Variants in CSMD1 observed in about 807,000 individuals in gnomAD.
The protein encoded by CSMD1 is CUB and sushi domain-containing protein 1.
In CSMD1, 213 loss-of-function variants were observed where a neutral mutation model predicts 417.5. The observed-to-expected ratio is 0.51, with a 90% CI of 0.46 to 0.57. CSMD1 has a LOEUF of 0.57. Among genes scored for constraint, CSMD1 ranks in the 20% least tolerant of loss-of-function variants. CSMD1 has a pLI of 0.00. For missense variants in CSMD1, 6,923 were observed against 4,529.7 expected, an observed-to-expected ratio of 1.53 and a Z score of -15.17; for synonymous variants, 2,862 against 1,736.8, an observed-to-expected ratio of 1.65 and a Z score of -16.11.
At chr8:3,194,419 T>TATTTG (rs1585618377) in intron 33 of CSMD1, among the ~76,000 whole-genome samples, 1 of 74,858 alleles carries the variant, frequency 1.3e-5, no homozygotes, top group East Asian at 2.7e-4. Flanking sequence ...TATTTTATTT[T>TATTTG]ATTTTATTTT....
intron 3 of CSMD1, among the ~76,000 whole-genome samples, chr8:4,387,170 A>G (rs933309930): frequency 2.5e-4 from 38 of 152,202 alleles, no homozygotes; most frequent in African/African-American, 9.2e-4. Flanking sequence ...AGTTAACACA[A>G]TGCCATCTTG....
intron 12 of CSMD1, among the ~76,000 whole-genome samples, chr8:3,455,419 T>C (rs541362255): frequency 1.3e-5 from 2 of 152,376 alleles, no homozygotes; most frequent in East Asian, 3.9e-4. Context: ...TTTTCTGCTC[T>C]GTTTTTTCCC....
chr8:4,421,129 T>C (rs576250804), intron 2 of CSMD1, among the ~76,000 whole-genome samples: 7 of 148,188 alleles, frequency 4.7e-5, no homozygotes, highest in Admixed American at 1.3e-4. Flanking sequence ...AGTAAATGAC[T>C]GATGAATGGA....
chr8:4,816,062 C>T (rs1282221899), intron 1 of CSMD1, among the ~76,000 whole-genome samples: 1 of 152,124 alleles, frequency 6.6e-6, no homozygotes, highest in Non-Finnish European at 1.5e-5. Flanking sequence ...ATAAACACAG[C>T]AGGACTGGGT....
chr8:3,554,622 C>T (rs1041722989), intron 10 of CSMD1, among the ~76,000 whole-genome samples: 2 of 152,218 alleles, frequency 1.3e-5, no homozygotes, highest in African/African-American at 4.8e-5. Context: ...AGGATCTGAG[C>T]AGGTGGGAGA....
chr8:4,437,256 T>C (rs1035915798), intron 2 of CSMD1, among the ~76,000 whole-genome samples: 1 of 152,204 alleles, frequency 6.6e-6, no homozygotes. Flanking sequence ...AATTAGGCAG[T>C]AGAGAAAAGT....
intron 5 of CSMD1, among the ~76,000 whole-genome samples, chr8:3,757,341 T>C (rs1276617869): frequency 6.6e-6 from 1 of 152,222 alleles, no homozygotes; most frequent in Non-Finnish European, 1.5e-5. Context: ...ACTTTGCAGG[T>C]GTAGTTGGCA....
At chr8:3,990,490 G>C (rs1431286541) in intron 5 of CSMD1, among the ~76,000 whole-genome samples, 1 of 152,134 alleles carries the variant, frequency 6.6e-6, no homozygotes, top group Non-Finnish European at 1.5e-5. Context: ...TTACTCCTCA[G>C]TCTGGACAAT....
At position 4,485,489 on chromosome 8, in the gene CSMD1, T is replaced by G. The variant is rs191921918; in HGVS notation, c.303-65424A>C. Among the ~76,000 whole-genome samples the G allele has an allele frequency of 1.8e-3, 279 of 152,308 alleles. 3 individuals are homozygous for G. The highest frequency in any genetic ancestry group is 0.018 in the Admixed American group (271 of 15,294). ...ATGTGTCTGGGCTGGGCAGCAAGCC[T>G]GCTTCTTCAGTTCCTGATCTTACCA... is the stretch of plus-strand genomic sequence containing the variant. On this transcript the variant is annotated intron_variant, in intron 2 of 69. Coordinates refer to ENST00000635120, the MANE Select transcript of CSMD1 (RefSeq NM_033225.6).
intron 5 of CSMD1, among the ~76,000 whole-genome samples, chr8:3,966,761 GC>G (rs1812704385): frequency 6.7e-6 from 1 of 149,032 alleles, no homozygotes; most frequent in Non-Finnish European, 1.5e-5. Flanking sequence ...ACACGCGCGC[GC>G]GCGCACACAC....
chr8:4,321,703 G>C (rs939834095), intron 3 of CSMD1, among the ~76,000 whole-genome samples: 1 of 152,132 alleles, frequency 6.6e-6, no homozygotes, highest in Admixed American at 6.5e-5. Flanking sequence ...AGGAATCAAT[G>C]TCTTTGTTGA....
intron 3 of CSMD1, among the ~76,000 whole-genome samples, chr8:4,309,097 T>C (rs1386883163): frequency 1.3e-5 from 2 of 152,194 alleles, no homozygotes; most frequent in Non-Finnish European, 2.9e-5. Context: ...TGTAGTCACT[T>C]GTTCTATCTA....
At chr8:4,179,885 C>CT (rs1387512564) in intron 3 of CSMD1, among the ~76,000 whole-genome samples, 5 of 152,176 alleles carry the variant, frequency 3.3e-5, no homozygotes, top group Non-Finnish European at 7.3e-5. Flanking sequence ...GAGATACCAT[C>CT]TCACACCAGT....
intron 1 of CSMD1, among the ~76,000 whole-genome samples, chr8:4,750,386 A>C (rs962346294): frequency 2.6e-5 from 4 of 152,194 alleles, no homozygotes; most frequent in African/African-American, 4.8e-5. Context: ...GTTTAGGGTT[A>C]TCAAGATTCA....
intron 2 of CSMD1, among the ~76,000 whole-genome samples, chr8:4,465,923 G>A (rs574354273): frequency 3.3e-5 from 5 of 152,168 alleles, no homozygotes; most frequent in Admixed American, 3.3e-4. Flanking sequence ...ATAGAAGAAG[G>A]AAAAGTCAGT....
At chr8:3,889,477 A>T (rs1806800068) in intron 5 of CSMD1, among the ~76,000 whole-genome samples, 1 of 110,628 alleles carries the variant, frequency 9.0e-6, no homozygotes, top group African/African-American at 3.4e-5. Flanking sequence ...ATATATATAT[A>T]TATATATATA....
At chr8:3,259,525 AG>A (rs1800901079) in intron 26 of CSMD1, among the ~76,000 whole-genome samples, 8 of 152,226 alleles carry the variant, frequency 5.3e-5, no homozygotes. Flanking sequence ...TTTGTCTGTA[AG>A]GGGTAGGTTA....
chr8:3,558,203 C>T (rs1021838392), intron 10 of CSMD1, among the ~76,000 whole-genome samples: 1 of 149,392 alleles, frequency 6.7e-6, no homozygotes, highest in Non-Finnish European at 1.5e-5. Flanking sequence ...AATAGTGCCT[C>T]AGTAGTACCC....
At chr8:4,787,129 G>A (rs576185603) in intron 1 of CSMD1, among the ~76,000 whole-genome samples, 26 of 152,284 alleles carry the variant, frequency 1.7e-4, no homozygotes, top group Admixed American at 1.6e-3. Context: ...CTTTTAGAGG[G>A]AAACTATCCG....
Sources: allele counts gnomAD v4.1 joint callset (sites outside exome capture counted in the v4.1 genomes callset), GRCh38; gene constraint gnomAD v4.1.1; transcripts MANE v1.5; gene names NCBI Gene and HGNC (gene_info 2026-07-23, HGNC 2026-07-21).